Variants in ZMYM2 observed in about 807,000 individuals in gnomAD.
ZMYM2 encodes zinc finger MYM-type containing 2.
In ZMYM2, 56 loss-of-function variants were observed where a neutral mutation model predicts 162.8. That is an observed-to-expected ratio of 0.34 (90% CI 0.28 to 0.43). The LOEUF (loss-of-function observed/expected upper bound fraction) is 0.43. Among genes scored for constraint, ZMYM2 ranks in the 20% least tolerant of loss-of-function variants. ZMYM2 has a pLI of 1.00. For missense variants in ZMYM2, 1,275 were observed against 1,621.8 expected, an observed-to-expected ratio of 0.79 and a Z score of 3.67; for synonymous variants, 510 against 541.6, an observed-to-expected ratio of 0.94 and a Z score of 0.81.
At chr13:19,878,605 T>C in the ZMYM2 span, among the ~76,000 whole-genome samples, 3 of 144,652 alleles carry the variant, frequency 2.1e-5, no homozygotes, top group South Asian at 6.8e-4. Flanking sequence ...CACTGCAACC[T>C]CTGCCTCCCG....
intron 7 of ZMYM2, among the ~76,000 whole-genome samples, chr13:20,022,811 C>T (rs1237224920): frequency 6.6e-6 from 1 of 152,040 alleles, no homozygotes; most frequent in Non-Finnish European, 1.5e-5. Context: ...TTTATTGCCA[C>T]TTCTTCTAAT....
intron 2 of ZMYM2, among the ~76,000 whole-genome samples, chr13:19,960,346 C>G (rs1378424658): frequency 1.3e-5 from 2 of 152,230 alleles, no homozygotes; most frequent in Non-Finnish European, 2.9e-5. Context: ...TCTAGAGTTC[C>G]AAAATGGGAA....
At chr13:20,050,703 C>T (rs768576207) in intron 12 of ZMYM2, among the ~76,000 whole-genome samples, 2 of 151,672 alleles carry the variant, frequency 1.3e-5, no homozygotes, top group Non-Finnish European at 2.9e-5. Context: ...AAATCTGTCT[C>T]AAGATTATTG....
At chr13:19,948,313 G>A in the ZMYM2 span, among the ~76,000 whole-genome samples, 1 of 152,170 alleles carries the variant, frequency 6.6e-6, no homozygotes, top group African/African-American at 2.4e-5. Context: ...ATTTATAGAA[G>A]CATTATTCAT....
At chr13:20,019,763 T>TA in intron 7 of ZMYM2, 145 bp downstream of exon 7, 1 of 697,574 alleles carries the variant, frequency 1.4e-6, no homozygotes, top group East Asian at 2.8e-5. Flanking sequence ...ATGAATGTTT[T>TA]ATCTCTGAGA....
At chr13:19,909,987 G>A in the ZMYM2 span, among the ~76,000 whole-genome samples, 9 of 151,444 alleles carry the variant, frequency 5.9e-5, no homozygotes, top group African/African-American at 1.7e-4. Context: ...AGGCCGAGGC[G>A]GGCGGATCAC....
chr13:20,004,859 G>A (rs1204663138), intron 4 of ZMYM2, among the ~76,000 whole-genome samples: 4 of 151,678 alleles, frequency 2.6e-5, no homozygotes, highest in Non-Finnish European at 4.4e-5. Context: ...ATTGAGTAGC[G>A]GCAAAGATTT....
chr13:20,026,590 C>A, intron 7 of ZMYM2, 22 bp from the exon 8 acceptor site: 1 of 1,571,034 alleles, frequency 6.4e-7, no homozygotes, highest in Middle Eastern at 1.8e-4. Flanking sequence ...TAAAAATTAT[C>A]TTTTTATGTT....
chr13:19,996,681 C>A (rs972183197), intron 3 of ZMYM2, among the ~76,000 whole-genome samples: 10 of 151,992 alleles, frequency 6.6e-5, no homozygotes, highest in African/African-American at 1.9e-4. Context: ...TGCACCACTG[C>A]ACTCCAGCCT....
At chr13:19,983,717 C>G (rs2139551067) in intron 2 of ZMYM2, among the ~76,000 whole-genome samples, 1 of 152,228 alleles carries the variant, frequency 6.6e-6, no homozygotes, top group South Asian at 2.1e-4. Context: ...CAGCCTCGAC[C>G]TCCTGGGCTC....
the ZMYM2 span, among the ~76,000 whole-genome samples, chr13:19,883,820 G>A: frequency 6.6e-6 from 1 of 152,142 alleles, no homozygotes; most frequent in African/African-American, 2.4e-5. Context: ...GCACGGGCAC[G>A]ATCTCGCCTC....
chr13:19,979,428 CTTT>C (rs71763618), intron 2 of ZMYM2, among the ~76,000 whole-genome samples: 11,467 of 110,902 alleles, frequency 0.1, 619 homozygotes, highest in African/African-American at 0.2. Flanking sequence ...TTTTTCTGCA[CTTT>C]TTTTTTTTTT....
At chr13:20,013,280 C>G (rs566935922) in intron 6 of ZMYM2, among the ~76,000 whole-genome samples, 1 of 152,188 alleles carries the variant, frequency 6.6e-6, no homozygotes, top group East Asian at 1.9e-4. Context: ...TATATAGAAA[C>G]ATCTGATTTT....
In ZMYM2 at chr13:20,082,111, A is replaced by G; in HGVS notation, c.3549A>G (p.Gln1183=). The G allele has an allele frequency of 3.1e-6, 5 of 1,604,068 alleles. No homozygotes were observed. The highest frequency in any genetic ancestry group is 1.1e-5 in the South Asian group (1 of 88,228). ...QELNKILRSW[Q]PSILPDGSIF... ...TGAATAAAATACTGCGAAGCTGGCAACCAAGCATACTTCCAGATGGTAATG... is the reference window on the plus strand; with the variant it reads ...TGAATAAAATACTGCGAAGCTGGCAGCCAAGCATACTTCCAGATGGTAATG... The change falls in exon 22 of 25, where the codon CAA becomes CAG. Residue 1183 remains glutamine, a synonymous_variant. Transcript: ENST00000610343.
At chr13:20,054,996 GT>G (rs34930892) in intron 14 of ZMYM2, among the ~76,000 whole-genome samples, 109,297 of 142,932 alleles carry the variant, frequency 0.76, 42,068 homozygotes, top group East Asian at 0.97. Context: ...ACATGGGGTT[GT>G]TTTTTTTTTT....
At chr13:19,917,625 A>T in the ZMYM2 span, among the ~76,000 whole-genome samples, 1 of 150,316 alleles carries the variant, frequency 6.7e-6, no homozygotes, top group East Asian at 2.0e-4. Context: ...GAAGTTAGTT[A>T]TCACAAAGTG....
intron 2 of ZMYM2, among the ~76,000 whole-genome samples, chr13:19,986,315 G>C (rs904219571): frequency 4.0e-5 from 6 of 151,836 alleles, no homozygotes; most frequent in African/African-American, 1.2e-4. Context: ...CTTGAGCCCA[G>C]GAGTCCAGCA....
chr13:19,931,064 A>T, the ZMYM2 span, among the ~76,000 whole-genome samples: 26 of 150,486 alleles, frequency 1.7e-4, no homozygotes, highest in Non-Finnish European at 3.5e-4. Context: ...GCGTGAACCC[A>T]GGAGGCGGAG....
At position 19,977,880 on chromosome 13, in the gene ZMYM2, G is replaced by GTT. The variant is rs1245525008; in HGVS notation, c.-10-15170_-10-15169dup. Among the ~76,000 whole-genome samples, 235 of 135,790 alleles carry GTT rather than the reference G, an allele frequency of 1.7e-3. No homozygotes were observed. In the Middle Eastern group the frequency reaches 0.021, roughly 12 times the overall value. The allele number at this position is 135,790 out of a possible 152,430, so 89.1% of individuals were successfully genotyped here. ...CCCTTCTTTTCTATATATTTTAAAA[G>GTT]TTTTTTTTTTTTTTGAGACGGGGTC... On this transcript the variant is annotated intron_variant, in intron 2 of 24. Transcript: ENST00000610343.
Sources: gnomAD v4.1 joint callset for allele counts (sites outside exome capture counted in the v4.1 genomes callset) on GRCh38, gnomAD v4.1.1 for gene constraint, MANE v1.5 for transcripts, NCBI Gene and HGNC (gene_info 2026-07-23, HGNC 2026-07-21) for gene names.